Variants in ZBTB16 observed in about 807,000 individuals in gnomAD.
ZBTB16 encodes zinc finger and BTB domain-containing protein 16.
ZBTB16 carries 8 observed loss-of-function variants against 56.8 expected under a neutral mutation model. The ratio of observed to expected loss-of-function variants is 0.14; its 90% CI spans 0.08 to 0.25. The LOEUF (loss-of-function observed/expected upper bound fraction) is 0.25, where lower values mean the gene tolerates loss of function less well. Among genes scored for constraint, ZBTB16 ranks in the 10% least tolerant of loss-of-function variants. The probability of loss-of-function intolerance (pLI) is 1.00; values close to 1 mark genes in which losing one functional copy is unlikely to be tolerated. For synonymous variants in ZBTB16, 363 were observed against 368.5 expected (o/e 0.98, Z 0.17); for missense variants, 625 against 903.0 (o/e 0.69, Z 3.95).
At chr11:114,166,201 CGTGTGTGTGTGTGTGT>C (rs3057730) in intron 3 of ZBTB16, among the ~76,000 whole-genome samples, 35 of 134,156 alleles carry the variant, frequency 2.6e-4, no homozygotes, top group Admixed American at 1.2e-3. Context: ...GACTGGTCTA[CGTGTGTGTGTGTGTGT>C]GTGTGTGTGT....
intron 5 of ZBTB16, among the ~76,000 whole-genome samples, chr11:114,244,387 G>A (rs987509020): frequency 3.3e-5 from 5 of 151,938 alleles, no homozygotes; most frequent in Admixed American, 6.6e-5. Flanking sequence ...GGTCACAGGT[G>A]CACTGGGCAG....
intron 2 of ZBTB16, among the ~76,000 whole-genome samples, chr11:114,110,528 A>C (rs1411447237): frequency 6.6e-6 from 1 of 152,216 alleles, no homozygotes; most frequent in African/African-American, 2.4e-5. Context: ...GATTTAAAGA[A>C]GGAGGGCCAG....
Position 114,155,370 on chromosome 11 carries a change from G to A in ZBTB16, c.1269-967G>A, listed in dbSNP as rs549657089. ...AGCTTGGAGCCTCTCCCCAGTGCTC[G>A]GCTCCCTGCTAGCGCACCCGGTTCC... is the stretch of plus-strand genomic sequence containing the variant. On this transcript the variant is annotated intron_variant, in intron 2 of 6. Transcript: ENST00000335953. Among the ~76,000 whole-genome samples the A allele has an allele frequency of 2.6e-5, 4 of 152,326 alleles. No individual in the cohort carries two copies. The South Asian group carries it at 6.2e-4, about 24-fold the overall frequency.
chr11:114,142,290 C>T (rs1334147506), intron 2 of ZBTB16, among the ~76,000 whole-genome samples: 2 of 152,092 alleles, frequency 1.3e-5, no homozygotes, highest in Non-Finnish European at 2.9e-5. Flanking sequence ...TTCCCACCCC[C>T]TTCCCCAGTA....
intron 4 of ZBTB16, among the ~76,000 whole-genome samples, chr11:114,199,122 T>C (rs1195910830): frequency 6.6e-6 from 1 of 152,230 alleles, no homozygotes; most frequent in Non-Finnish European, 1.5e-5. Context: ...ATTTTGGACA[T>C]GTATGCTGGG....
intron 4 of ZBTB16, among the ~76,000 whole-genome samples, chr11:114,224,476 C>A (rs1944293073): frequency 6.6e-6 from 1 of 152,062 alleles, no homozygotes; most frequent in Admixed American, 6.6e-5. Context: ...GCATGACATC[C>A]AAAGGTAGGG....
At chr11:114,209,932 A>C (rs1943961311) in intron 4 of ZBTB16, 1 of 985,336 alleles carries the variant, frequency 1.0e-6, no homozygotes, top group Admixed American at 6.1e-5. Context: ...ATGCAGCCAC[A>C]GGAACAAAGA....
chr11:114,250,244 C>G lies in ZBTB16; in HGVS notation c.1793-82C>G. The G allele has an allele frequency of 6.6e-7, 1 of 1,517,242 alleles. No individual in the cohort carries two copies. The allele number at this position is 1,517,242 out of a possible 1,614,324, so 94.0% of individuals were successfully genotyped here. On this transcript the variant is annotated intron_variant, in intron 6 of 6. Coordinates refer to ENST00000335953, the MANE Select transcript of ZBTB16 (RefSeq NM_006006.6). The surrounding 1 kb of genome is among the most constrained non-coding windows in gnomAD (Gnocchi z 6.0). ...GCCCAGCTGGAGGAACCCAGCTTCC[C>G]TGGCACGCCTGAGGGTGACATGGTG...
Position 114,099,963 on chromosome 11 carries a change from C to T in ZBTB16, c.1268+35395C>T, listed in dbSNP as rs531506012. ...CTCAACCCCAGTGTGTGTCCTCTGA[C>T]GTCTAGTGGATTGCTGCATACACAG... On this transcript the variant is annotated intron_variant, in intron 2 of 6. Transcript: ENST00000335953. 5.3e-5 allele frequency among the ~76,000 whole-genome samples: 8 copies of T among 152,262 alleles called. No homozygotes were observed. In the South Asian group the frequency reaches 1.7e-3, roughly 32 times the overall value.
chr11:114,177,589 C>T lies in ZBTB16; in HGVS notation c.1367-9363C>T, dbSNP rs1225176545. On this transcript the variant is annotated intron_variant, in intron 3 of 6. Coordinates refer to ENST00000335953, the MANE Select transcript of ZBTB16 (RefSeq NM_006006.6). ...TTGAGGGGGCCTGACCGTTAACCTC[C>T]GAGAGATCTCTCAGTTGGCAAAGCA... 3.3e-5 allele frequency among the ~76,000 whole-genome samples: 5 copies of T among 152,208 alleles called. No homozygotes were observed. In the South Asian group the frequency reaches 8.3e-4, roughly 25 times the overall value.
rs1565651475 is a variant in ZBTB16 at position 114,148,338 on chromosome 11, TTCCTTC to T, written c.1269-7998_1269-7993del. On this transcript the variant is annotated intron_variant, in intron 2 of 6. Coordinates refer to ENST00000335953, the MANE Select transcript of ZBTB16 (RefSeq NM_006006.6). ...TGCATAGGATGCATGGCTGGCTGGC[TTCCTTC>T]CTTCCTTCCTTCCTTCCTTCCTTCC... 6.8e-3 allele frequency among the ~76,000 whole-genome samples: 652 copies of T among 95,348 alleles called. 24 individuals are homozygous for T. The highest frequency in any genetic ancestry group is 0.01 in the Non-Finnish European group (463 of 45,974). The allele number at this position is 95,348 out of a possible 152,430, so 62.6% of individuals were successfully genotyped here. A position where few individuals can be genotyped will look rare whatever the true frequency, so the allele number is the denominator to read the frequency against.
chr11:114,065,479 T>C (rs1311032061), intron 2 of ZBTB16, among the ~76,000 whole-genome samples: 2 of 152,114 alleles, frequency 1.3e-5, no homozygotes, highest in East Asian at 3.9e-4. Context: ...TGCAATGGTG[T>C]GATCTCTGCT....
chr11:114,114,152 C>G (rs926941617), intron 2 of ZBTB16, among the ~76,000 whole-genome samples: 7 of 152,230 alleles, frequency 4.6e-5, no homozygotes, highest in Non-Finnish European at 7.3e-5. Context: ...ACTTGATATT[C>G]TAGTTGACAA....
At chr11:114,100,676 T>C (rs937806316) in intron 2 of ZBTB16, among the ~76,000 whole-genome samples, 7 of 152,192 alleles carry the variant, frequency 4.6e-5, no homozygotes, top group African/African-American at 1.7e-4. Context: ...CTCTTGCGTT[T>C]ACTCAGGCAC....
chr11:114,226,787 T>A (rs1410674701), intron 4 of ZBTB16, among the ~76,000 whole-genome samples: 1 of 152,110 alleles, frequency 6.6e-6, no homozygotes, highest in Non-Finnish European at 1.5e-5. Context: ...ATTTATAGAA[T>A]CAGGAGAGCA....
intron 3 of ZBTB16, among the ~76,000 whole-genome samples, chr11:114,157,451 C>T (rs989902201): frequency 1.3e-5 from 2 of 152,232 alleles, no homozygotes; most frequent in African/African-American, 4.8e-5. Flanking sequence ...TAGTAAGCCC[C>T]TGGCATACAG....
intron 2 of ZBTB16, among the ~76,000 whole-genome samples, chr11:114,130,172 G>T (rs1941623594): frequency 6.6e-6 from 1 of 152,190 alleles, no homozygotes; most frequent in South Asian, 2.1e-4. Context: ...CTTTCTGGGG[G>T]TAAACAGCAA....
At chr11:114,238,689 A>G (rs1319766566) in intron 4 of ZBTB16, among the ~76,000 whole-genome samples, 1 of 151,846 alleles carries the variant, frequency 6.6e-6, no homozygotes, top group Non-Finnish European at 1.5e-5. Context: ...CATTGCCTGT[A>G]GAATAAAGTC....
At chr11:114,109,428 G>A (rs776585771) in intron 2 of ZBTB16, among the ~76,000 whole-genome samples, 16 of 152,228 alleles carry the variant, frequency 1.1e-4, no homozygotes, top group East Asian at 5.8e-4. Context: ...GGCTCTGTCC[G>A]CCATGCCCTG....
Sources: allele counts gnomAD v4.1 joint callset (sites outside exome capture counted in the v4.1 genomes callset), GRCh38; gene constraint gnomAD v4.1.1; non-coding constraint Gnocchi (gnomAD v3.1); transcripts MANE v1.5; gene names NCBI Gene and HGNC (gene_info 2026-07-23, HGNC 2026-07-21).